The following ATRN variants were observed in gnomAD, a reference collection of about 807,000 sequenced individuals.
ATRN encodes attractin.
In ATRN, 54 loss-of-function variants were observed where a neutral mutation model predicts 178.7. The ratio of observed to expected loss-of-function variants is 0.30; its 90% CI spans 0.24 to 0.38. ATRN has a LOEUF of 0.38. Among genes scored for constraint, ATRN ranks in the 10% least tolerant of loss-of-function variants. ATRN has a pLI of 1.00. For missense variants in ATRN, 1,443 were observed against 1,815.1 expected (o/e 0.79, Z 3.73); for synonymous variants, 636 against 663.0 (o/e 0.96, Z 0.63).
chr20:3,548,341 C>T (rs2085738175), intron 5 of ATRN, among the ~76,000 whole-genome samples: 1 of 152,166 alleles, frequency 6.6e-6, no homozygotes, highest in African/African-American at 2.4e-5. Context: ...TGGCTCATGC[C>T]TGTAATCCCA....
intron 15 of ATRN, among the ~76,000 whole-genome samples, chr20:3,580,319 C>T (rs1162343152): frequency 1.3e-4 from 20 of 152,204 alleles, no homozygotes. Flanking sequence ...TTCTGGTACC[C>T]TTTCTCTCTT....
intron 6 of ATRN, among the ~76,000 whole-genome samples, chr20:3,549,543 G>A (rs1373643104): frequency 2.6e-5 from 4 of 152,156 alleles, no homozygotes; most frequent in Admixed American, 2.0e-4. Flanking sequence ...GTCATGATAA[G>A]CATTCACCTC....
Position 3,604,175 on chromosome 20 carries a change from C to G in ATRN, c.3714C>G (p.Phe1238Leu). The change falls in exon 24 of 29, where the codon TTC becomes TTG. Residue 1238 changes from phenylalanine to leucine, a missense_variant. Coordinates refer to ENST00000262919, the MANE Select transcript of ATRN (RefSeq NM_139321.3). The stretch of plus-strand genomic sequence containing the variant: ...ACATTAAGGAGTACAAAGATAGTTT[C>G]TCTAATGAGAAGTTTGATTTTCGCA... ...KTNIKEYKDS[F>L]SNEKFDFRNH... 6.2e-7 allele frequency: 1 copy of G among 1,613,408 alleles called. No individual in the cohort carries two copies. The highest frequency in any genetic ancestry group is 8.5e-7 in the Non-Finnish European group (1 of 1,179,776).
rs1007852960 is a variant in ATRN at position 3,576,805 on chromosome 20, C to T, written c.2215-54C>T. On this transcript the variant is annotated intron_variant, in intron 13 of 28. Transcript: ENST00000262919. The stretch of plus-strand genomic sequence containing the variant: ...GTCTATAATATCCTGTTGGTCCTCA[C>T]CATAAGTTCTCTCTGTGGATACAAA... The T allele has an allele frequency of 6.9e-6, 11 of 1,597,688 alleles. No homozygotes were observed. In the African/African-American group the frequency reaches 1.3e-4, roughly 20 times the overall value.
At chr20:3,511,951 C>A (rs1033249149) in intron 1 of ATRN, among the ~76,000 whole-genome samples, 1 of 149,748 alleles carries the variant, frequency 6.7e-6, no homozygotes, top group Non-Finnish European at 1.5e-5. Flanking sequence ...TTAATAACAT[C>A]AATTAATTTC....
chr20:3,617,804 C>T (rs2252091), intron 24 of ATRN, among the ~76,000 whole-genome samples: 40,566 of 146,910 alleles, frequency 0.28, 6,922 homozygotes, highest in East Asian at 0.82. Flanking sequence ...CACCCTGGAG[C>T]TGAAGTTCTG....
chr20:3,586,971 G>C (rs76879198), intron 18 of ATRN, among the ~76,000 whole-genome samples: 1,682 of 152,252 alleles, frequency 0.011, 13 homozygotes, highest in Middle Eastern at 0.034. Context: ...GTTTTCATTT[G>C]TATTTTCCTG....
chr20:3,532,772 T>A (rs930950070), intron 1 of ATRN, among the ~76,000 whole-genome samples: 1 of 151,730 alleles, frequency 6.6e-6, no homozygotes, highest in Non-Finnish European at 1.5e-5. Context: ...TTATACTCTT[T>A]TTTTTTTTGA....
intron 1 of ATRN, among the ~76,000 whole-genome samples, chr20:3,478,829 A>G (rs1012213978): frequency 1.3e-5 from 2 of 151,694 alleles, no homozygotes; most frequent in African/African-American, 4.8e-5. Context: ...TGCTAAATTC[A>G]GCACCTCCCT....
At chr20:3,572,523 G>A (rs1045723761) in intron 11 of ATRN, among the ~76,000 whole-genome samples, 1 of 152,072 alleles carries the variant, frequency 6.6e-6, no homozygotes, top group African/African-American at 2.4e-5. Context: ...TCTGTAAAAA[G>A]TGTATCATGG....
At chr20:3,623,255 C>T (rs1273607906) in intron 24 of ATRN, among the ~76,000 whole-genome samples, 1 of 152,148 alleles carries the variant, frequency 6.6e-6, no homozygotes, top group Non-Finnish European at 1.5e-5. Context: ...GGAGCTAGGA[C>T]TGGTTATTGT....
chr20:3,597,866 T>C (rs1243448842), intron 21 of ATRN, 40 bp from the exon 22 acceptor site: 1 of 1,247,664 alleles, frequency 8.0e-7, no homozygotes, highest in Admixed American at 1.8e-5. Context: ...CTATTTTGTG[T>C]GTGTTTAGTT....
intron 1 of ATRN, among the ~76,000 whole-genome samples, chr20:3,489,249 C>T (rs972848666): frequency 2.5e-4 from 38 of 152,166 alleles, no homozygotes; most frequent in Non-Finnish European, 2.9e-5. Context: ...GTGTGAGCCA[C>T]AGATATTTGA....
Position 3,646,853 on chromosome 20 carries a change from G to A in ATRN, c.*6G>A, listed in dbSNP as rs1239596564. 9 of 1,613,212 alleles carry A rather than the reference G, an allele frequency of 5.6e-6. No individual in the cohort carries two copies. Among genetic ancestry groups the A allele is most frequent in the African/African-American group, 1.3e-5 (1 of 74,996 alleles). The stretch of plus-strand genomic sequence containing the variant: ...AGCCTGGGACCTGCATCTGATGCTG[G>A]GGCCAGGGACTCTCCCACGCACGAG... On this transcript the variant is annotated 3_prime_UTR_variant, in exon 29 of 29. Coordinates refer to ENST00000262919, the MANE Select transcript of ATRN (RefSeq NM_139321.3).
intron 24 of ATRN, among the ~76,000 whole-genome samples, chr20:3,617,405 A>G (rs2086859102): frequency 6.6e-6 from 1 of 152,188 alleles, no homozygotes; most frequent in Non-Finnish European, 1.5e-5. Context: ...TAGGGAAAGT[A>G]AGTGTAGTGT....
At chr20:3,493,574 C>G (rs1195290785) in intron 1 of ATRN, among the ~76,000 whole-genome samples, 1 of 152,120 alleles carries the variant, frequency 6.6e-6, no homozygotes, top group East Asian at 1.9e-4. Context: ...GGATTACAGG[C>G]ATGAGCCAGT....
At chr20:3,519,684 A>G (rs2085261702) in intron 1 of ATRN, among the ~76,000 whole-genome samples, 1 of 152,228 alleles carries the variant, frequency 6.6e-6, no homozygotes, top group Non-Finnish European at 1.5e-5. Flanking sequence ...GGTCACCGCT[A>G]AAGAACCCAT....
intron 24 of ATRN, among the ~76,000 whole-genome samples, chr20:3,619,409 C>CGCAAGTCCTGAACGCATCCAT (rs565117831): frequency 5.1e-4 from 78 of 152,334 alleles, no homozygotes; most frequent in African/African-American, 1.8e-3. Context: ...ATCCTTCCGA[C>CGCAAGTCCTGAACGCATCCAT]CAGAACGCAA....
At chr20:3,518,917 A>C (rs923674104) in intron 1 of ATRN, among the ~76,000 whole-genome samples, 8 of 150,918 alleles carry the variant, frequency 5.3e-5, no homozygotes, top group African/African-American at 2.0e-4. Flanking sequence ...ATGGATCATA[A>C]TATATTTAAC....
Sources: gnomAD v4.1 joint callset for allele counts (sites outside exome capture counted in the v4.1 genomes callset) on GRCh38, gnomAD v4.1.1 for gene constraint, MANE v1.5 for transcripts, NCBI Gene and HGNC (gene_info 2026-07-23, HGNC 2026-07-21) for gene names.